The following DGKG variants were observed in gnomAD, a reference collection of about 807,000 sequenced individuals.
DGKG encodes the protein DAG kinase gamma.
Under a neutral mutation model 105.3 loss-of-function variants are expected in DGKG, and 78 were observed. That is an observed-to-expected ratio of 0.74 (90% CI 0.62 to 0.89). The LOEUF is 0.89. DGKG is among the 40% of genes least tolerant of loss of function. The pLI is 0.00. For missense variants in DGKG, 958 were observed against 1,020.1 expected, an observed-to-expected ratio of 0.94 and a Z score of 0.83; for synonymous variants, 346 against 367.1, an observed-to-expected ratio of 0.94 and a Z score of 0.66.
At chr3:186,286,970 G>A (rs1263705009) in intron 6 of DGKG, among the ~76,000 whole-genome samples, 2 of 151,792 alleles carry the variant, frequency 1.3e-5, no homozygotes, top group Admixed American at 1.3e-4. Flanking sequence ...GGAGGTGGAG[G>A]TTGCAGTGAG....
rs2108540528 is a variant in DGKG, at chr3:186,231,352, C to T, written c.1826+11152G>A. 6.6e-6 allele frequency among the ~76,000 whole-genome samples: 1 copy of T among 152,204 alleles called. No individual in the cohort carries two copies. Among genetic ancestry groups the T allele is most frequent in the South Asian group, 2.1e-4 (1 of 4,820 alleles). On this transcript the variant is annotated intron_variant, in intron 20 of 24. Transcript: ENST00000265022. The surrounding 1 kb of genome is among the most constrained non-coding windows in gnomAD (Gnocchi z 4.5). ...AAGAGGAGATGTGGAGTGGACAGGCCTAGGTGTGAATCGTAGCTTCTCTAG... is the reference window on the plus strand; with the variant it reads ...AAGAGGAGATGTGGAGTGGACAGGCTTAGGTGTGAATCGTAGCTTCTCTAG...
chr3:186,322,077 C>T lies in DGKG; in HGVS notation c.-248-1370G>A, dbSNP rs1256112636. ...CAGAAAACTTCCACCTAGAGACTCTCTTATGTTTCTGGGTGTTTCTTGTCA... is the reference window on the plus strand; with the variant it reads ...CAGAAAACTTCCACCTAGAGACTCTTTTATGTTTCTGGGTGTTTCTTGTCA... On this transcript the variant is annotated intron_variant, in intron 1 of 24. Coordinates refer to ENST00000265022, the MANE Select transcript of DGKG (RefSeq NM_001346.3). Among the ~76,000 whole-genome samples the T allele has an allele frequency of 7.2e-5, 11 of 152,312 alleles. No homozygotes were observed. In the South Asian group the frequency reaches 1.9e-3, roughly 26 times the overall value.
chr3:186,261,096 A>G (rs1221693828), intron 15 of DGKG, among the ~76,000 whole-genome samples: 1 of 152,206 alleles, frequency 6.6e-6, no homozygotes, highest in Non-Finnish European at 1.5e-5. Flanking sequence ...CCCCTTGGAC[A>G]GGGGTGGGGG....
At chr3:186,277,310 A>G (rs1722632339) in intron 9 of DGKG, among the ~76,000 whole-genome samples, 1 of 152,232 alleles carries the variant, frequency 6.6e-6, no homozygotes, top group African/African-American at 2.4e-5. Context: ...AAATAAACTA[A>G]AAAGTGTTTG....
chr3:186,173,863 C>T lies in DGKG; in HGVS notation c.2096-8845G>A, dbSNP rs549092922. Reference sequence around the variant, plus strand: ...GTAAAGAAGGAAAGCTCTAACTGGTCCATCTTCATCCCCCATGTTCCTGCC... The same window carrying T: ...GTAAAGAAGGAAAGCTCTAACTGGTTCATCTTCATCCCCCATGTTCCTGCC... On this transcript the variant is annotated intron_variant, in intron 22 of 24. Coordinates refer to ENST00000265022, the MANE Select transcript of DGKG (RefSeq NM_001346.3). 5.9e-4 allele frequency among the ~76,000 whole-genome samples: 90 copies of T among 152,362 alleles called. 1 individual carries two copies. Among genetic ancestry groups the T allele is most frequent in the African/African-American group, 2.1e-3 (87 of 41,592 alleles).
chr3:186,194,294 C>T (rs759307366), intron 21 of DGKG, among the ~76,000 whole-genome samples: 26 of 152,358 alleles, frequency 1.7e-4, no homozygotes, highest in Non-Finnish European at 3.5e-4. Context: ...TGTCTCGATC[C>T]CTACAATCAC....
chr3:186,260,626 G>A (rs1454067428), intron 15 of DGKG, 113 bp from the exon 16 acceptor site: 1 of 821,704 alleles, frequency 1.2e-6, no homozygotes, highest in Non-Finnish European at 2.0e-6. Flanking sequence ...CAGGGATGAG[G>A]GTTCATTTAA....
chr3:186,286,831 C>A (rs1005832185), intron 6 of DGKG, among the ~76,000 whole-genome samples: 1 of 151,912 alleles, frequency 6.6e-6, no homozygotes, highest in Non-Finnish European at 1.5e-5. Context: ...GTCAGAAGTT[C>A]GAGACCAGCC....
chr3:186,333,846 TG>T (rs932854410), intron 1 of DGKG, among the ~76,000 whole-genome samples: 15 of 152,074 alleles, frequency 9.9e-5, no homozygotes, highest in Non-Finnish European at 1.8e-4. Flanking sequence ...GATAGCGGCG[TG>T]GTATGTACGT....
At chr3:186,191,933 C>T (rs985325921) in intron 21 of DGKG, among the ~76,000 whole-genome samples, 1 of 152,230 alleles carries the variant, frequency 6.6e-6, no homozygotes, top group Non-Finnish European at 1.5e-5. Flanking sequence ...GTCTTCTACC[C>T]TCCTATCCTT....
chr3:186,282,657 C>T (rs1392688230), intron 7 of DGKG, among the ~76,000 whole-genome samples: 11 of 151,342 alleles, frequency 7.3e-5, no homozygotes, highest in East Asian at 2.0e-4. Flanking sequence ...GGACTACAGG[C>T]GCCCGCCACC....
In DGKG at chr3:186,361,551, C is replaced by G. The variant is rs1397865838; in HGVS notation, c.-249+395G>C. On this transcript the variant is annotated intron_variant, in intron 1 of 24. Coordinates refer to ENST00000265022, the MANE Select transcript of DGKG (RefSeq NM_001346.3). The surrounding 1 kb of genome is among the most constrained non-coding windows in gnomAD (Gnocchi z 6.8). ...GGCGGCCAGACATTAGGAAAAGCATCTCCTGCTTCTCGGACTGCCTGGAGC... is the reference window on the plus strand; with the variant it reads ...GGCGGCCAGACATTAGGAAAAGCATGTCCTGCTTCTCGGACTGCCTGGAGC... 6.6e-6 allele frequency among the ~76,000 whole-genome samples: 1 copy of G among 152,208 alleles called. No homozygotes were observed. Among genetic ancestry groups the G allele is most frequent in the Non-Finnish European group, 1.5e-5 (1 of 68,044 alleles).
chr3:186,170,778 C>G (rs1409729255), intron 22 of DGKG, among the ~76,000 whole-genome samples: 1 of 152,166 alleles, frequency 6.6e-6, no homozygotes, highest in Non-Finnish European at 1.5e-5. Flanking sequence ...TATCTACCTT[C>G]TTAGAGCTGT....
At chr3:186,345,796 G>A (rs1387444368) in intron 1 of DGKG, among the ~76,000 whole-genome samples, 2 of 152,180 alleles carry the variant, frequency 1.3e-5, no homozygotes, top group Non-Finnish European at 2.9e-5. Flanking sequence ...TTGAGACCGA[G>A]TCTCGCTCTG....
chr3:186,332,974 CTA>C (rs1725670066), intron 1 of DGKG, among the ~76,000 whole-genome samples: 1 of 152,086 alleles, frequency 6.6e-6, no homozygotes, highest in Non-Finnish European at 1.5e-5. Flanking sequence ...CCTTGGGACT[CTA>C]TGTAGAATCA....
intron 21 of DGKG, among the ~76,000 whole-genome samples, chr3:186,207,953 T>A (rs1718828580): frequency 6.6e-6 from 1 of 152,262 alleles, no homozygotes. Flanking sequence ...GTTTCAGAGA[T>A]GAGACCAAGT....
rs975095421 is a variant in DGKG at position 186,149,564 on chromosome 3, G to A, written c.*526C>T. ...AAGGACGACCAAGAAACCAACGTGCGCCTGCTGAGCCCTGCCAAGGATTAT... is the reference window on the plus strand; with the variant it reads ...AAGGACGACCAAGAAACCAACGTGCACCTGCTGAGCCCTGCCAAGGATTAT... On this transcript the variant is annotated 3_prime_UTR_variant, in exon 25 of 25. Coordinates refer to ENST00000265022, the MANE Select transcript of DGKG (RefSeq NM_001346.3). 1.3e-5 allele frequency: 13 copies of A among 985,444 alleles called. No homozygotes were observed. In the East Asian group the frequency reaches 4.5e-4, roughly 34 times the overall value. The allele number at this position is 985,444 out of a possible 1,614,324, so 61.0% of individuals were successfully genotyped here. A position where few individuals can be genotyped will look rare whatever the true frequency, so the allele number is the denominator to read the frequency against.
intron 11 of DGKG, among the ~76,000 whole-genome samples, chr3:186,270,815 G>T (rs1016408806): frequency 2.0e-5 from 3 of 152,236 alleles, no homozygotes; most frequent in African/African-American, 7.2e-5. Flanking sequence ...GATCTGAGGA[G>T]ATGGTGAAAG....
At chr3:186,179,465 A>G (rs987034122) in intron 22 of DGKG, among the ~76,000 whole-genome samples, 3 of 152,248 alleles carry the variant, frequency 2.0e-5, no homozygotes, top group African/African-American at 7.2e-5. Flanking sequence ...AGGGCAAGCC[A>G]CTTCACCTTG....
Sources: gnomAD v4.1 joint callset for allele counts (sites outside exome capture counted in the v4.1 genomes callset) on GRCh38, gnomAD v4.1.1 for gene constraint, Gnocchi (gnomAD v3.1) non-coding constraint, MANE v1.5 for transcripts, NCBI Gene and HGNC (gene_info 2026-07-23, HGNC 2026-07-21) for gene names.